IRS1: variants seen among roughly 807,000 people sequenced by gnomAD.
IRS1 encodes insulin receptor substrate 1.
Under a neutral mutation model 65.6 loss-of-function variants are expected in IRS1, and 34 were observed. That is an observed-to-expected ratio of 0.52 (90% CI 0.39 to 0.69). The LOEUF (loss-of-function observed/expected upper bound fraction) is 0.69. IRS1 is among the 30% of genes least tolerant of loss of function. IRS1 has a pLI of 0.00. For synonymous variants in IRS1, 699 were observed against 683.5 expected, an observed-to-expected ratio of 1.02 and a Z score of -0.35; for missense variants, 1,641 against 1,720.2, an observed-to-expected ratio of 0.95 and a Z score of 0.81.
Position 226,798,010 on chromosome 2 carries a change from A to G in IRS1, c.729T>C (p.Ser243=). The G allele has an allele frequency of 6.2e-7, 1 of 1,614,074 alleles. No individual in the cohort carries two copies. The highest frequency in any genetic ancestry group is 8.5e-7 in the Non-Finnish European group (1 of 1,180,006). The stretch of plus-strand genomic sequence containing the variant: ...TCTCGTGCATGTTCTGGGCCACCAC[A>G]GAGTCATCCACCTGCATCCAGAACT... ...PGEFWMQVDD[S]VVAQNMHETI... Residue 243 remains serine (S), a synonymous_variant, in exon 1 of 2, where the codon TCT becomes TCC. Transcript: ENST00000305123. This position sits in a 1 kb window ranked among gnomAD's most constrained non-coding sequence, Gnocchi z 9.4.
Position 226,797,668 on chromosome 2 carries a change from G to T in IRS1, c.1071C>A (p.His357Gln), listed in dbSNP as rs768356298. 1 of 1,595,874 alleles carries T rather than the reference G, an allele frequency of 6.3e-7. No individual in the cohort carries two copies. The highest frequency in any genetic ancestry group is 1.1e-5 in the South Asian group (1 of 90,406). Residue 357 changes from histidine to glutamine, a missense_variant, in exon 1 of 2, where the codon CAC (histidine) becomes CAA (glutamine). This residue lies in a region of IRS1 where 1,324 missense variants were observed against 1,361.0 expected (regional missense o/e 0.97). Transcript: ENST00000305123. The surrounding 1 kb of genome is among the most constrained non-coding windows in gnomAD (Gnocchi z 8.1). ...VSPSTNRTHA[H>Q]RHRGSARLHP... The stretch of plus-strand genomic sequence containing the variant: ...GCAGCCGGGCGCTGCCCCGATGCCG[G>T]TGGGCGTGGGTTCTGTTGGTGCTGG...
Position 226,755,774 on chromosome 2 carries a change from AG to A in IRS1, c.*22-19525del, listed in dbSNP as rs1312945150. On this transcript the variant is annotated intron_variant, in intron 1 of 1. Transcript: ENST00000305123. Reference sequence around the variant, plus strand: ...ACTGCTCAGCTCATTACTGACACTCAGGCTTTAAAAACTGGGTGGCCCCATA... The same window carrying A: ...ACTGCTCAGCTCATTACTGACACTCAGCTTTAAAAACTGGGTGGCCCCATA... Among the ~76,000 whole-genome samples, 7 of 152,302 alleles carry A rather than the reference AG, an allele frequency of 4.6e-5. No homozygotes were observed. The East Asian group carries it at 1.4e-3, about 29-fold the overall frequency.
At chr2:226,745,269 G>C (rs1272704902) in intron 1 of IRS1, among the ~76,000 whole-genome samples, 1 of 152,204 alleles carries the variant, frequency 6.6e-6, no homozygotes. Flanking sequence ...TTACAGTAAA[G>C]TAATAATGCA....
intron 1 of IRS1, among the ~76,000 whole-genome samples, chr2:226,763,913 GAT>G (rs1938972251): frequency 6.6e-6 from 1 of 152,020 alleles, no homozygotes; most frequent in African/African-American, 2.4e-5. Context: ...TCCATCCTAT[GAT>G]AATCTTTGGG....
chr2:226,738,494 T>C (rs989096795), intron 1 of IRS1, among the ~76,000 whole-genome samples: 6 of 152,168 alleles, frequency 3.9e-5, no homozygotes, highest in Non-Finnish European at 8.8e-5. Flanking sequence ...TATTTTTAAC[T>C]CACTAATAAA....
intron 1 of IRS1, among the ~76,000 whole-genome samples, chr2:226,770,097 A>T (rs974168488): frequency 2.6e-5 from 4 of 152,230 alleles, no homozygotes; most frequent in African/African-American, 7.2e-5. Flanking sequence ...TCATAGATAC[A>T]GGCAATTGAT....
chr2:226,785,631 T>C (rs1939471191), intron 1 of IRS1, among the ~76,000 whole-genome samples: 2 of 152,054 alleles, frequency 1.3e-5, no homozygotes, highest in South Asian at 4.1e-4. Flanking sequence ...AACAAATAAA[T>C]AAATAAGACA....
chr2:226,798,727 A>G lies in IRS1; in HGVS notation c.12T>C (p.Pro4=). The G allele has an allele frequency of 1.2e-6, 2 of 1,611,614 alleles. No individual in the cohort carries two copies. Among genetic ancestry groups the G allele is most frequent in the Non-Finnish European group, 8.5e-7 (1 of 1,179,496 alleles). The change falls in exon 1 of 2, where the codon CCT becomes CCC. Residue 4 remains proline, a synonymous_variant. Transcript: ENST00000305123. This position sits in a 1 kb window ranked among gnomAD's most constrained non-coding sequence, Gnocchi z 9.4. MAS[P]PESDGFSDVR... ...CGTCCGAGAAGCCATCGCTCTCCGG[A>G]GGGCTCGCCATGCTGCCACCGCCAC...
intron 1 of IRS1, among the ~76,000 whole-genome samples, chr2:226,741,786 AACAC>A (rs145806509): frequency 2.3e-3 from 313 of 138,532 alleles, no homozygotes; most frequent in African/African-American, 5.9e-3. Context: ...GAGCCCAGTA[AACAC>A]ACACACACAC....
rs139194720 is a variant in IRS1, at chr2:226,794,008, G to A, written c.*21+981C>T. On this transcript the variant is annotated intron_variant, in intron 1 of 1. Transcript: ENST00000305123. This position sits in a 1 kb window ranked among gnomAD's most constrained non-coding sequence, Gnocchi z 4.1. ...AGGCACACAGCAAATAACCCTAAAAGTGGAGGGTATACAGTTTAGCCCTTC... is the reference window on the plus strand; with the variant it reads ...AGGCACACAGCAAATAACCCTAAAAATGGAGGGTATACAGTTTAGCCCTTC... 1.3e-3 allele frequency among the ~76,000 whole-genome samples: 196 copies of A among 152,310 alleles called. No homozygotes were observed. Among genetic ancestry groups the A allele is most frequent in the African/African-American group, 4.4e-3 (183 of 41,552 alleles).
rs569384048 is a variant in IRS1, at chr2:226,751,765, T to G, written c.*22-15515A>C. ...GAGGCTCAGTTAGGAGGAACTGAGG[T>G]AGGGCCACGTACGTTAGCTCAAAAG... On this transcript the variant is annotated intron_variant, in intron 1 of 1. Coordinates refer to ENST00000305123, the MANE Select transcript of IRS1 (RefSeq NM_005544.3). Among the ~76,000 whole-genome samples the G allele has an allele frequency of 3.3e-5, 5 of 152,072 alleles. No homozygotes were observed. The South Asian group carries it at 1.0e-3, about 32-fold the overall frequency.
At chr2:226,753,049 A>C (rs58748445) in intron 1 of IRS1, among the ~76,000 whole-genome samples, 13,889 of 152,214 alleles carry the variant, frequency 0.091, 1,217 homozygotes, top group African/African-American at 0.23. Context: ...CCACCAGAAA[A>C]CAAAATGGCC....
At chr2:226,780,412 T>A (rs1939358610) in intron 1 of IRS1, among the ~76,000 whole-genome samples, 1 of 152,100 alleles carries the variant, frequency 6.6e-6, no homozygotes. Flanking sequence ...ATTAATTAAA[T>A]TAAATTAAAT....
intron 1 of IRS1, among the ~76,000 whole-genome samples, chr2:226,738,758 A>G (rs1003752838): frequency 3.9e-5 from 6 of 152,244 alleles, no homozygotes; most frequent in African/African-American, 1.2e-4. Context: ...TTTCTAGATT[A>G]GCGCTTAACA....
chr2:226,746,242 G>A (rs1004383548), intron 1 of IRS1, among the ~76,000 whole-genome samples: 5 of 152,174 alleles, frequency 3.3e-5, no homozygotes, highest in Admixed American at 6.5e-5. Context: ...TGGGTGTTCA[G>A]TGAGATTCTT....
intron 1 of IRS1, among the ~76,000 whole-genome samples, chr2:226,758,052 T>C (rs1938840872): frequency 1.3e-5 from 2 of 152,138 alleles, no homozygotes. Flanking sequence ...CTTCTCTGAT[T>C]TTGAAGGAAA....
intron 1 of IRS1, chr2:226,792,160 AG>A (rs1445314435): frequency 1.3e-5 from 2 of 152,138 alleles, no homozygotes; most frequent in African/African-American, 4.8e-5. Context: ...TTTCTTTTAA[AG>A]GGGGAGGGCA....
intron 1 of IRS1, among the ~76,000 whole-genome samples, chr2:226,793,859 T>A (rs879015704): frequency 6.6e-6 from 1 of 152,294 alleles, no homozygotes; most frequent in Non-Finnish European, 1.5e-5. Flanking sequence ...GAAAACAGGA[T>A]CAACAGAACG....
In IRS1 at chr2:226,798,889, C is replaced by A; in HGVS notation, c.-151G>T. The A allele has an allele frequency of 6.6e-7, 1 of 1,513,486 alleles. No homozygotes were observed. The highest frequency in any genetic ancestry group is 1.3e-5 in the South Asian group (1 of 78,238). 93.8% of individuals were successfully genotyped at this position (1,513,486 alleles called of 1,614,324 possible). ...CTGAAATCCACGCCGCCCCCCGCGC[C>A]GGGGAGGGGCAGCTGAAGGAGGACG... On this transcript the variant is annotated 5_prime_UTR_variant, in exon 1 of 2. Coordinates refer to ENST00000305123, the MANE Select transcript of IRS1 (RefSeq NM_005544.3). This position sits in a 1 kb window ranked among gnomAD's most constrained non-coding sequence, Gnocchi z 9.4.
Sources: gnomAD v4.1 joint callset for allele counts (sites outside exome capture counted in the v4.1 genomes callset) on GRCh38, gnomAD v4.1.1 for gene constraint, gnomAD v4.1.1 regional missense constraint, Gnocchi (gnomAD v3.1) non-coding constraint, MANE v1.5 for transcripts, NCBI Gene and HGNC (gene_info 2026-07-23, HGNC 2026-07-21) for gene names.